The following RALY variants were observed in gnomAD, a reference collection of about 807,000 sequenced individuals.
RALY encodes the protein RNA-binding protein Raly.
In RALY, 15 loss-of-function variants were observed where a neutral mutation model predicts 30.7. The ratio of observed to expected loss-of-function variants is 0.49; its 90% confidence interval spans 0.33 to 0.75. The LOEUF (loss-of-function observed/expected upper bound fraction) is 0.75. Among genes scored for constraint, RALY ranks in the 30% least tolerant of loss-of-function variants. The pLI, the probability that RALY is intolerant of heterozygous loss-of-function variation, is 0.02. For missense variants in RALY, 339 were observed against 414.3 expected (o/e 0.82, Z 1.58); for synonymous variants, 177 against 170.8 (o/e 1.04, Z -0.28).
chr20:34,061,393 C>G (rs558527475), intron 2 of RALY, among the ~76,000 whole-genome samples: 3 of 152,254 alleles, frequency 2.0e-5, no homozygotes, highest in African/African-American at 7.2e-5. Flanking sequence ...AACAATCAGG[C>G]TGAAGGACTT....
At chr20:34,076,287 T>G (rs1232995849) in intron 6 of RALY, 2 of 572,348 alleles carry the variant, frequency 3.5e-6, no homozygotes, top group Non-Finnish European at 6.1e-6. Context: ...GTGCCATCTT[T>G]CCTCTAGTAA....
At chr20:34,010,972 G>A (rs1044342597) in intron 1 of RALY, among the ~76,000 whole-genome samples, 1 of 140,484 alleles carries the variant, frequency 7.1e-6, no homozygotes, top group Non-Finnish European at 1.5e-5. Flanking sequence ...TTGTTGATGA[G>A]TGTTTTCCCA....
rs2034057770 is a variant in RALY, at chr20:34,083,256, G to A, written c.*3351G>A. 6.6e-6 allele frequency: 1 copy of A among 152,250 alleles called. No individual in the cohort carries two copies. Among genetic ancestry groups the A allele is most frequent in the African/African-American group, 2.4e-5 (1 of 41,450 alleles). The allele number at this position is 152,250 out of a possible 1,614,324, so 9.4% of individuals were successfully genotyped here. On this transcript the variant is annotated 3_prime_UTR_variant, in exon 10 of 10. Transcript: ENST00000246194. ...ATCTCATCTGGGCCCTCGTGTGGCT[G>A]AAGTGAGCTGGCAGATCAGCTGGGG...
intron 2 of RALY, among the ~76,000 whole-genome samples, chr20:34,037,982 C>T (rs181749805): frequency 6.6e-6 from 1 of 152,300 alleles, no homozygotes; most frequent in Admixed American, 6.5e-5. Context: ...TATTCACTCT[C>T]CACCCAAGGA....
chr20:34,035,428 A>C (rs958378717), intron 2 of RALY, among the ~76,000 whole-genome samples: 1 of 152,152 alleles, frequency 6.6e-6, no homozygotes, highest in Non-Finnish European at 1.5e-5. Flanking sequence ...TGATATTCTT[A>C]TTTTATAAAT....
intron 2 of RALY, among the ~76,000 whole-genome samples, chr20:34,050,367 C>T (rs2033035182): frequency 6.6e-6 from 1 of 152,238 alleles, no homozygotes. Context: ...AGGCTCAAAC[C>T]GTCTTGGTCT....
intron 1 of RALY, among the ~76,000 whole-genome samples, chr20:34,001,622 A>AG (rs2030918218): frequency 6.6e-6 from 1 of 152,176 alleles, no homozygotes; most frequent in Non-Finnish European, 1.5e-5. Context: ...CTCTTGATCT[A>AG]TTTGTCTAGT....
chr20:34,068,991 C>T (rs1018138469), intron 2 of RALY, among the ~76,000 whole-genome samples: 1 of 152,228 alleles, frequency 6.6e-6, no homozygotes, highest in Non-Finnish European at 1.5e-5. Flanking sequence ...GTACCTAGCG[C>T]ATGCCATAGG....
At chr20:34,050,425 C>T (rs2033037553) in intron 2 of RALY, among the ~76,000 whole-genome samples, 1 of 152,216 alleles carries the variant, frequency 6.6e-6, no homozygotes, top group Admixed American at 6.5e-5. Context: ...TTCTCTGTCC[C>T]CAGGCAGGAC....
At chr20:34,051,990 G>GA (rs1338854433) in intron 2 of RALY, among the ~76,000 whole-genome samples, 1 of 152,170 alleles carries the variant, frequency 6.6e-6, no homozygotes, top group Non-Finnish European at 1.5e-5. Context: ...TAGGTTAAGA[G>GA]AACTGGATAA....
At chr20:34,066,499 A>G (rs913492715) in intron 2 of RALY, among the ~76,000 whole-genome samples, 1 of 152,024 alleles carries the variant, frequency 6.6e-6, no homozygotes, top group African/African-American at 2.4e-5. Flanking sequence ...TTCATGGACA[A>G]CCATCTTTTC....
chr20:34,006,456 C>T (rs1386068015), intron 1 of RALY, among the ~76,000 whole-genome samples: 2 of 152,164 alleles, frequency 1.3e-5, no homozygotes, highest in East Asian at 3.8e-4. Context: ...TTGTAAATGT[C>T]ACAACCTTAT....
intron 1 of RALY, among the ~76,000 whole-genome samples, chr20:34,022,953 A>G (rs1370916250): frequency 6.6e-6 from 1 of 152,008 alleles, no homozygotes; most frequent in African/African-American, 2.4e-5. Context: ...GAAATTCACT[A>G]CCTTCACCTG....
intron 1 of RALY, among the ~76,000 whole-genome samples, chr20:34,018,426 C>A (rs1383850113): frequency 2.0e-5 from 3 of 152,168 alleles, no homozygotes; most frequent in African/African-American, 7.2e-5. Flanking sequence ...CCTTGCTTCT[C>A]TCATGGCAAA....
At chr20:34,036,673 G>A (rs549974670) in intron 2 of RALY, among the ~76,000 whole-genome samples, 1 of 152,182 alleles carries the variant, frequency 6.6e-6, no homozygotes, top group South Asian at 2.1e-4. Flanking sequence ...GCTTGTCTTT[G>A]TTGGAAGAGT....
At chr20:34,018,821 A>T (rs892084049) in intron 1 of RALY, among the ~76,000 whole-genome samples, 2 of 152,166 alleles carry the variant, frequency 1.3e-5, no homozygotes, top group African/African-American at 4.8e-5. Flanking sequence ...TGGAGCTCCT[A>T]ATGATCCTTA....
intron 1 of RALY, among the ~76,000 whole-genome samples, chr20:33,997,151 C>T (rs1054963180): frequency 1.4e-4 from 22 of 152,056 alleles, no homozygotes; most frequent in African/African-American, 2.2e-4. Context: ...AGTCTCACTC[C>T]GTCGCCCAGG....
At chr20:34,048,871 A>AAAAAT (rs1555805742) in intron 2 of RALY, among the ~76,000 whole-genome samples, 3 of 150,278 alleles carry the variant, frequency 2.0e-5, no homozygotes, top group Admixed American at 6.6e-5. Context: ...AAAAAAAAAA[A>AAAAAT]TTTTCTCTGC....
chr20:34,009,543 AG>A (rs1294295569), intron 1 of RALY, among the ~76,000 whole-genome samples: 4 of 151,954 alleles, frequency 2.6e-5, no homozygotes. Context: ...AGCCTCTACC[AG>A]GGTTGTTATA....
Sources: gnomAD v4.1 joint callset for allele counts (sites outside exome capture counted in the v4.1 genomes callset) on GRCh38, gnomAD v4.1.1 for gene constraint, MANE v1.5 for transcripts, NCBI Gene and HGNC (gene_info 2026-07-23, HGNC 2026-07-21) for gene names.